The following PNOC variants were observed in gnomAD, a reference collection of about 807,000 sequenced individuals.
The protein encoded by PNOC is prepronociceptin, also known as nociceptin.
PNOC carries 10 observed loss-of-function variants against 15.6 expected under a neutral mutation model. The ratio of observed to expected loss-of-function variants is 0.64; its 90% CI spans 0.40 to 1.09. PNOC has a LOEUF of 1.09. Among genes scored for constraint, PNOC ranks in the 50% least tolerant of loss-of-function variants. The pLI is 0.01. For synonymous variants in PNOC, 98 were observed against 88.5 expected, an observed-to-expected ratio of 1.11 and a Z score of -0.60; for missense variants, 220 against 223.9, an observed-to-expected ratio of 0.98 and a Z score of 0.11.
At chr8:28,339,862 C>G (rs1021902887) in intron 3 of PNOC, 2 of 160,294 alleles carry the variant, frequency 1.2e-5, no homozygotes, top group East Asian at 1.8e-4. Context: ...TCTCTAAACA[C>G]CAAGAGTGGG....
Position 28,335,253 on chromosome 8 carries a change from C to T in PNOC, c.127-3787C>T, listed in dbSNP as rs116984148. On this transcript the variant is annotated intron_variant, in intron 2 of 3. Transcript: ENST00000301908. ...CATTAATTGCCACCAATTCATATTG[C>T]AAGCACACAGAGGTAGCTGAGTAGA... Among the ~76,000 whole-genome samples the T allele has an allele frequency of 1.6e-4, 25 of 152,330 alleles. No homozygotes were observed. In the East Asian group the frequency reaches 4.8e-3, roughly 29 times the overall value.
intron 2 of PNOC, among the ~76,000 whole-genome samples, chr8:28,337,925 G>T (rs1391508851): frequency 1.3e-5 from 2 of 152,136 alleles, no homozygotes; most frequent in African/African-American, 2.4e-5. Context: ...GCTACTTATG[G>T]CTCCAAGGAA....
At chr8:28,341,141 C>A (rs1585843682) in intron 3 of PNOC, among the ~76,000 whole-genome samples, 2 of 152,286 alleles carry the variant, frequency 1.3e-5, no homozygotes, top group African/African-American at 4.8e-5. Context: ...AATAACCTTC[C>A]TTGATGATCT....
chr8:28,317,599 T>C (rs915016175), intron 1 of PNOC, among the ~76,000 whole-genome samples: 1 of 152,108 alleles, frequency 6.6e-6, no homozygotes, highest in Non-Finnish European at 1.5e-5. Context: ...TCCCCAGCTG[T>C]GGCCCCTACG....
chr8:28,335,492 T>A (rs1381467585), intron 2 of PNOC, among the ~76,000 whole-genome samples: 1 of 152,260 alleles, frequency 6.6e-6, no homozygotes, highest in Non-Finnish European at 1.5e-5. Context: ...TAATCCCTGC[T>A]TCTATTCTTC....
At position 28,340,723 on chromosome 8, in the gene PNOC, G is replaced by A. The variant is rs1277351754; in HGVS notation, c.*47+1232G>A. Among the ~76,000 whole-genome samples the A allele has an allele frequency of 5.9e-5, 9 of 152,292 alleles. No individual in the cohort carries two copies. In the South Asian group the frequency reaches 8.3e-4, roughly 14 times the overall value. On this transcript the variant is annotated intron_variant, in intron 3 of 3. Transcript: ENST00000301908. Reference sequence around the variant, plus strand: ...CGCATCTGCTTCTGGTGAGGCCCTCGGGGAGCTTTTACTCATGGCAGAAGG... The same window carrying A: ...CGCATCTGCTTCTGGTGAGGCCCTCAGGGAGCTTTTACTCATGGCAGAAGG...
At position 28,328,047 on chromosome 8, in the gene PNOC, A is replaced by ATCTCTC. The variant is rs1205739699; in HGVS notation, c.-23-1080_-23-1075dup. Among the ~76,000 whole-genome samples the ATCTCTC allele has an allele frequency of 4.6e-5, 5 of 109,514 alleles. 1 individual carries two copies. The highest frequency in any genetic ancestry group is 6.2e-4 in the South Asian group (2 of 3,232). The allele number at this position is 109,514 out of a possible 152,430, so 71.8% of individuals were successfully genotyped here. ...GATCTCATCATCTCCCAAAGGTTCC[A>ATCTCTC]TCTCTCTCTCTCTTTTTTTTTTTTT... On this transcript the variant is annotated intron_variant, in intron 1 of 3. Transcript: ENST00000301908.
chr8:28,338,294 G>A (rs192699587), intron 2 of PNOC, among the ~76,000 whole-genome samples: 10 of 152,294 alleles, frequency 6.6e-5, no homozygotes, highest in African/African-American at 2.2e-4. Context: ...GAGAAACATC[G>A]TGGTCCAGCT....
intron 2 of PNOC, among the ~76,000 whole-genome samples, chr8:28,337,880 C>T (rs574428292): frequency 4.6e-5 from 7 of 152,160 alleles, no homozygotes; most frequent in South Asian, 2.1e-4. Context: ...CGTGCGCCAC[C>T]GCACCCGGCC....
intron 2 of PNOC, among the ~76,000 whole-genome samples, chr8:28,331,932 T>G (rs1801336160): frequency 6.6e-6 from 1 of 152,230 alleles, no homozygotes; most frequent in Non-Finnish European, 1.5e-5. Context: ...ATTGGAAGAT[T>G]CTAAGACCAT....
intron 3 of PNOC, chr8:28,339,940 CG>C (rs1349976747): frequency 6.6e-6 from 1 of 152,646 alleles, no homozygotes; most frequent in East Asian, 1.9e-4. Context: ...TCTTCAAAGA[CG>C]GCTTACCTAT....
chr8:28,320,767 C>T (rs535227163), intron 1 of PNOC, among the ~76,000 whole-genome samples: 8 of 149,934 alleles, frequency 5.3e-5, no homozygotes, highest in Admixed American at 1.3e-4. Context: ...AGGAGAATGG[C>T]GTGAACTCGG....
intron 2 of PNOC, among the ~76,000 whole-genome samples, chr8:28,336,936 A>G (rs59869387): frequency 0.087 from 13,225 of 151,974 alleles, 649 homozygotes; most frequent in Middle Eastern, 0.12. Flanking sequence ...GGTGCCACTC[A>G]GAGACAGGGA....
intron 1 of PNOC, among the ~76,000 whole-genome samples, chr8:28,319,397 AT>A (rs1397525583): frequency 5.3e-5 from 8 of 152,156 alleles, no homozygotes; most frequent in African/African-American, 1.9e-4. Flanking sequence ...TGCTAGAAGA[AT>A]TCGGGAGAAG....
chr8:28,340,722 C>T (rs1257191084), intron 3 of PNOC, among the ~76,000 whole-genome samples: 1 of 152,198 alleles, frequency 6.6e-6, no homozygotes, highest in African/African-American at 2.4e-5. Context: ...GTGAGGCCCT[C>T]GGGGAGCTTT....
chr8:28,329,810 A>G (rs1801291774), intron 2 of PNOC, among the ~76,000 whole-genome samples: 1 of 152,246 alleles, frequency 6.6e-6, no homozygotes, highest in South Asian at 2.1e-4. Flanking sequence ...TCAATGAAAA[A>G]TAATACAAAT....
At chr8:28,328,066 T>C (rs1226971023) in intron 1 of PNOC, among the ~76,000 whole-genome samples, 4 of 133,176 alleles carry the variant, frequency 3.0e-5, no homozygotes, top group Admixed American at 7.5e-5. Context: ...TCTCTTTTTT[T>C]TTTTTTTTTT....
At chr8:28,330,637 A>G (rs2614107) in intron 2 of PNOC, among the ~76,000 whole-genome samples, 46,358 of 141,240 alleles carry the variant, frequency 0.33, 9,243 homozygotes, top group Non-Finnish European at 0.46. Context: ...TCATGACCTC[A>G]TGATCCACCC....
chr8:28,330,402 T>TATTTTTTTTTTTTTTA (rs1427521733), intron 2 of PNOC, among the ~76,000 whole-genome samples: 1 of 131,688 alleles, frequency 7.6e-6, no homozygotes, highest in Non-Finnish European at 1.6e-5. Flanking sequence ...TTTTATTTTT[T>TATTTTTTTTTTTTTTA]TTTTTTTTTT....
Sources: allele counts gnomAD v4.1 joint callset (sites outside exome capture counted in the v4.1 genomes callset), GRCh38; gene constraint gnomAD v4.1.1; transcripts MANE v1.5; gene names NCBI Gene and HGNC (gene_info 2026-07-23, HGNC 2026-07-21).